Variants in MBD2 observed in about 807,000 individuals in gnomAD.
MBD2 encodes methyl-CpG binding domain protein 2, also known as methyl-CpG-binding domain protein 2.
MBD2 carries 9 observed loss-of-function variants against 39.3 expected under a neutral mutation model. The ratio of observed to expected loss-of-function variants is 0.23; its 90% CI spans 0.14 to 0.40. The LOEUF (loss-of-function observed/expected upper bound fraction) is 0.40, where lower values mean the gene tolerates loss of function less well. Among genes scored for constraint, MBD2 ranks in the 10% least tolerant of loss-of-function variants. The probability of loss-of-function intolerance (pLI) is 1.00; values close to 1 mark genes in which losing one functional copy is unlikely to be tolerated. For missense variants in MBD2, 458 were observed against 532.6 expected (o/e 0.86, Z 1.38); for synonymous variants, 233 against 211.1 (o/e 1.10, Z -0.90).
rs549177885 is a variant in MBD2 at position 54,166,263 on chromosome 18, G to A, written c.841-97C>T. ...TAATGAAATTTAAATCATTTCAATAGTTTCCTATAATTTCCTCATTTTTTC... is the reference window on the plus strand; with the variant it reads ...TAATGAAATTTAAATCATTTCAATAATTTCCTATAATTTCCTCATTTTTTC... On this transcript the variant is annotated intron_variant, in intron 3 of 6. Coordinates refer to ENST00000256429, the MANE Select transcript of MBD2 (RefSeq NM_003927.5). The A allele has an allele frequency of 4.9e-4, 357 of 732,166 alleles. 1 individual carries two copies. The African/African-American group carries it at 5.3e-3, about 11-fold the overall frequency. The allele number at this position is 732,166 out of a possible 1,614,324, so 45.4% of individuals were successfully genotyped here. A position where few individuals can be genotyped will look rare whatever the true frequency, so the allele number is the denominator to read the frequency against.
In MBD2 at chr18:54,203,213, G is replaced by A; in HGVS notation, c.702+1785C>T. 3 of 1,400,332 alleles carry A rather than the reference G, an allele frequency of 2.1e-6. No homozygotes were observed. In the South Asian group the frequency reaches 4.1e-5, roughly 19 times the overall value. 86.7% of individuals were successfully genotyped at this position (1,400,332 alleles called of 1,614,324 possible). ...ACATTACACTTAACATAACTAAACT[G>A]TGGTTCTGGTAACAGTACAGTAATC... On this transcript the variant is annotated intron_variant, in intron 2 of 6. Transcript: ENST00000256429.
intron 5 of MBD2, among the ~76,000 whole-genome samples, chr18:54,161,836 T>G (rs1296951042): frequency 6.6e-6 from 1 of 151,534 alleles, no homozygotes; most frequent in African/African-American, 2.4e-5. Flanking sequence ...ATGGGATATC[T>G]CTCCATGATT....
intron 3 of MBD2, among the ~76,000 whole-genome samples, chr18:54,175,879 TC>T (rs1421949090): frequency 6.6e-6 from 1 of 152,226 alleles, no homozygotes; most frequent in Non-Finnish European, 1.5e-5. Context: ...GTTTCTGTAT[TC>T]TTTACAACTA....
At chr18:54,197,757 A>AATC (rs1484968213) in intron 2 of MBD2, among the ~76,000 whole-genome samples, 1 of 152,088 alleles carries the variant, frequency 6.6e-6, no homozygotes, top group African/African-American at 2.4e-5. Context: ...TCATCATCAA[A>AATC]ATCATCATCA....
At chr18:54,201,007 G>A (rs1038012693) in intron 2 of MBD2, among the ~76,000 whole-genome samples, 5 of 151,762 alleles carry the variant, frequency 3.3e-5, no homozygotes, top group African/African-American at 1.2e-4. Context: ...ATGAACCCGG[G>A]AGGCAGAGCT....
intron 3 of MBD2, among the ~76,000 whole-genome samples, chr18:54,174,337 T>C (rs1568081555): frequency 6.6e-6 from 1 of 152,236 alleles, no homozygotes; most frequent in East Asian, 1.9e-4. Flanking sequence ...ATAGGAGGTT[T>C]ATAAAGGCAG....
At chr18:54,208,279 G>A (rs1028838726) in intron 1 of MBD2, among the ~76,000 whole-genome samples, 1 of 152,186 alleles carries the variant, frequency 6.6e-6, no homozygotes, top group African/African-American at 2.4e-5. Context: ...GATCACCTGA[G>A]TTCGGGAGTT....
chr18:54,185,084 G>A (rs1186149235), intron 3 of MBD2, among the ~76,000 whole-genome samples: 5 of 151,350 alleles, frequency 3.3e-5, no homozygotes, highest in African/African-American at 1.2e-4. Flanking sequence ...ACTGAAAGCT[G>A]ATCTATTTTA....
At chr18:54,155,518 C>A (rs1449334425) in intron 6 of MBD2, among the ~76,000 whole-genome samples, 4 of 152,092 alleles carry the variant, frequency 2.6e-5, no homozygotes, top group African/African-American at 9.7e-5. Flanking sequence ...TTGATGATAA[C>A]CTTTACTATC....
At chr18:54,174,688 T>C (rs1228810627) in intron 3 of MBD2, among the ~76,000 whole-genome samples, 1 of 152,248 alleles carries the variant, frequency 6.6e-6, no homozygotes, top group Admixed American at 6.5e-5. Flanking sequence ...TGGTATTTTA[T>C]GGGTCGGTCT....
chr18:54,181,735 G>A (rs1295686523), intron 3 of MBD2, among the ~76,000 whole-genome samples: 2 of 152,104 alleles, frequency 1.3e-5, no homozygotes, highest in East Asian at 1.9e-4. Context: ...TCCTGACCAC[G>A]TGATCCACCC....
At chr18:54,205,231 C>T in intron 1 of MBD2, 74 bp from the exon 2 acceptor site, 1 of 1,328,920 alleles carries the variant, frequency 7.5e-7, no homozygotes, top group Non-Finnish European at 1.0e-6. Context: ...ATGTCTTCCC[C>T]TACCCTCAAT....
chr18:54,210,866 A>ATTTTTT (rs74180457), intron 1 of MBD2, among the ~76,000 whole-genome samples: 7 of 99,346 alleles, frequency 7.0e-5, no homozygotes, highest in East Asian at 3.0e-4. Flanking sequence ...TCAACTTTCT[A>ATTTTTT]TTTTTTTTTT....
At chr18:54,163,924 C>A (rs537298830) in intron 5 of MBD2, among the ~76,000 whole-genome samples, 1 of 152,210 alleles carries the variant, frequency 6.6e-6, no homozygotes, top group East Asian at 1.9e-4. Flanking sequence ...AGCTCTGTCA[C>A]CACGGCTGGA....
rs192401588 is a variant in MBD2, at chr18:54,176,900, A to G, written c.841-10734T>C. Among the ~76,000 whole-genome samples, 764 of 152,366 alleles carry G rather than the reference A, an allele frequency of 5.0e-3. 8 individuals carry two copies. Among genetic ancestry groups the G allele is most frequent in the African/African-American group, 0.017 (696 of 41,592 alleles). The stretch of plus-strand genomic sequence containing the variant: ...AGGCAAAAGATAATTTGGGCTAAAC[A>G]GGATAGATGAATAAACCAAAGGGCA... On this transcript the variant is annotated intron_variant, in intron 3 of 6. Coordinates refer to ENST00000256429, the MANE Select transcript of MBD2 (RefSeq NM_003927.5).
chr18:54,178,032 G>A (rs945535711), intron 3 of MBD2, among the ~76,000 whole-genome samples: 1 of 151,790 alleles, frequency 6.6e-6, no homozygotes. Flanking sequence ...CTGTAGAGAT[G>A]GAGTCTCACT....
At chr18:54,191,236 G>A (rs1359842121) in intron 2 of MBD2, among the ~76,000 whole-genome samples, 1 of 152,154 alleles carries the variant, frequency 6.6e-6, no homozygotes. Flanking sequence ...CATTCAGCAG[G>A]TCTGAGATAG....
At chr18:54,188,406 C>A (rs2086298256) in intron 3 of MBD2, among the ~76,000 whole-genome samples, 1 of 152,086 alleles carries the variant, frequency 6.6e-6, no homozygotes, top group Non-Finnish European at 1.5e-5. Context: ...GGACAATATA[C>A]CATATTGACA....
At chr18:54,206,602 G>A (rs1354212040) in intron 1 of MBD2, among the ~76,000 whole-genome samples, 5 of 152,138 alleles carry the variant, frequency 3.3e-5, no homozygotes, top group Non-Finnish European at 4.4e-5. Flanking sequence ...AATACACCCC[G>A]GACTTGTCAC....
Sources: gnomAD v4.1 joint callset for allele counts (sites outside exome capture counted in the v4.1 genomes callset) on GRCh38, gnomAD v4.1.1 for gene constraint, MANE v1.5 for transcripts, NCBI Gene and HGNC (gene_info 2026-07-23, HGNC 2026-07-21) for gene names.